PCBP3: variants seen among roughly 807,000 people sequenced by gnomAD.
The protein encoded by PCBP3 is poly(rC) binding protein 3.
PCBP3 carries 25 observed loss-of-function variants against 52.7 expected under a neutral mutation model. The observed-to-expected ratio is 0.47, with a 90% CI of 0.35 to 0.66. PCBP3 has a LOEUF of 0.66. Ranked by LOEUF, PCBP3 falls within the 30% of genes least tolerant of loss-of-function variation. The pLI is 0.01. For missense variants in PCBP3, 391 were observed against 490.3 expected (o/e 0.80, Z 1.91); for synonymous variants, 162 against 183.0 (o/e 0.89, Z 0.93).
chr21:45,872,272 C>T (rs536676015), intron 5 of PCBP3: 5 of 152,174 alleles, frequency 3.3e-5, no homozygotes, highest in Non-Finnish European at 5.9e-5. Context: ...ATCGGAGGCT[C>T]GTCTGCTTTT....
At chr21:45,782,117 AATT>A (rs1226313848) in intron 4 of PCBP3, among the ~76,000 whole-genome samples, 1 of 152,186 alleles carries the variant, frequency 6.6e-6, no homozygotes, top group East Asian at 1.9e-4. Context: ...CCATAGTCTC[AATT>A]ATTTTTTAAC....
chr21:45,913,841 C>T (rs1245120990), intron 11 of PCBP3, 110 bp from the exon 12 acceptor site: 18 of 960,088 alleles, frequency 1.9e-5, no homozygotes, highest in South Asian at 7.7e-5. Context: ...GTGTGGGGAG[C>T]GTGGAGCTGG....
chr21:45,847,831 G>A (rs774659687), intron 4 of PCBP3, among the ~76,000 whole-genome samples: 7 of 152,178 alleles, frequency 4.6e-5, no homozygotes, highest in Non-Finnish European at 8.8e-5. Flanking sequence ...TACATGATGA[G>A]CCTTTCAACT....
intron 2 of PCBP3, among the ~76,000 whole-genome samples, chr21:45,694,374 G>C (rs1405861524): frequency 6.6e-6 from 1 of 152,056 alleles, no homozygotes; most frequent in Admixed American, 6.6e-5. Flanking sequence ...AAGTAGACGA[G>C]AAAAATCTAT....
At chr21:45,887,131 G>C (rs2095542508) in intron 5 of PCBP3, among the ~76,000 whole-genome samples, 1 of 152,232 alleles carries the variant, frequency 6.6e-6, no homozygotes, top group South Asian at 2.1e-4. Flanking sequence ...AAGTCTGAGA[G>C]ACATAGAGAA....
intron 2 of PCBP3, among the ~76,000 whole-genome samples, chr21:45,696,728 T>C (rs1398083985): frequency 2.0e-5 from 3 of 151,206 alleles, no homozygotes. Context: ...GAGGCAGAGG[T>C]TGCAGTGAGC....
At chr21:45,729,366 C>T (rs2085291121) in intron 2 of PCBP3, among the ~76,000 whole-genome samples, 1 of 152,162 alleles carries the variant, frequency 6.6e-6, no homozygotes, top group Non-Finnish European at 1.5e-5. Flanking sequence ...CTGTTATGAA[C>T]AAGTATCTGC....
chr21:45,709,187 G>C (rs1432369162), intron 2 of PCBP3, among the ~76,000 whole-genome samples: 1 of 152,208 alleles, frequency 6.6e-6, no homozygotes, highest in Non-Finnish European at 1.5e-5. Flanking sequence ...TGTTATGGCA[G>C]GGTCCAAAAT....
chr21:45,776,023 C>T lies in PCBP3; in HGVS notation c.-126+20571C>T, dbSNP rs373306533. On this transcript the variant is annotated intron_variant, in intron 4 of 17. Transcript: ENST00000681687. ...GCTTTTGCTGTATCACACAGGTTTT[C>T]GTATGTTGTGTTATTTTCATTTGTT... is the stretch of plus-strand genomic sequence containing the variant. Among the ~76,000 whole-genome samples the T allele has an allele frequency of 5.1e-3, 774 of 151,932 alleles. 16 individuals are homozygous for T. Among genetic ancestry groups the T allele is most frequent in the South Asian group, 0.046 (220 of 4,794 alleles).
intron 1 of PCBP3, among the ~76,000 whole-genome samples, chr21:45,668,597 C>T (rs2080960748): frequency 6.6e-6 from 1 of 151,926 alleles, no homozygotes; most frequent in African/African-American, 2.4e-5. Context: ...GGGAATAGGG[C>T]AGGTTAAAAT....
intron 4 of PCBP3, chr21:45,760,911 AC>A: frequency 6.6e-6 from 1 of 152,006 alleles, no homozygotes; most frequent in Non-Finnish European, 1.5e-5. Context: ...ACATGGTGAA[AC>A]CCCGTCTCTA....
rs965943138 is a variant in PCBP3, at chr21:45,853,896, T to C, written c.10+3801T>C. On this transcript the variant is annotated intron_variant, in intron 5 of 17. Transcript: ENST00000681687. The surrounding 1 kb of genome is among the most constrained non-coding windows in gnomAD (Gnocchi z 4.6). Reference sequence around the variant, plus strand: ...GCCGGTGAGAATAAAAAGGAGCCGATGGTACGGGGCAGGAGCCGCTCCCAG... The same window carrying C: ...GCCGGTGAGAATAAAAAGGAGCCGACGGTACGGGGCAGGAGCCGCTCCCAG... The C allele has an allele frequency of 2.0e-5, 3 of 152,126 alleles. No homozygotes were observed. The highest frequency in any genetic ancestry group is 7.2e-5 in the African/African-American group (3 of 41,392). The allele number at this position is 152,126 out of a possible 1,614,324, so 9.4% of individuals were successfully genotyped here. A position where few individuals can be genotyped will look rare whatever the true frequency, so the allele number is the denominator to read the frequency against.
Position 45,928,991 on chromosome 21 carries a change from G to A in PCBP3, c.718-926G>A, listed in dbSNP as rs1439366972. On this transcript the variant is annotated intron_variant, in intron 13 of 17. Coordinates refer to ENST00000681687, the MANE Select transcript of PCBP3 (RefSeq NM_001384156.1). This position sits in a 1 kb window ranked among gnomAD's most constrained non-coding sequence, Gnocchi z 4.1. ...CTGGAGGCCTGTGGCTCCTGGGAAA[G>A]CCAGGCCTGAGGAGCACCATGCCCT... Among the ~76,000 whole-genome samples the A allele has an allele frequency of 6.6e-6, 1 of 152,200 alleles. No homozygotes were observed. The highest frequency in any genetic ancestry group is 1.5e-5 in the Non-Finnish European group (1 of 68,022).
intron 4 of PCBP3, among the ~76,000 whole-genome samples, chr21:45,798,194 G>C (rs796070756): frequency 1.4e-5 from 2 of 146,920 alleles, no homozygotes; most frequent in Non-Finnish European, 3.0e-5. Context: ...ATGCATGGAT[G>C]GATGAATGCA....
intron 3 of PCBP3, chr21:45,750,407 C>G (rs76691318): frequency 1.3e-4 from 17 of 131,970 alleles, no homozygotes; most frequent in East Asian, 5.7e-4. Context: ...CCCCCCCCCC[C>G]CCCCTTCTTC....
At chr21:45,672,178 C>T (rs553381400) in intron 2 of PCBP3, among the ~76,000 whole-genome samples, 4 of 152,190 alleles carry the variant, frequency 2.6e-5, no homozygotes, top group South Asian at 4.2e-4. Context: ...GCACACTCAG[C>T]CCCTTATTGT....
chr21:45,652,059 C>A (rs1293948583), intron 1 of PCBP3, among the ~76,000 whole-genome samples: 3 of 152,306 alleles, frequency 2.0e-5, no homozygotes, highest in Admixed American at 2.0e-4. Context: ...ACATTCCTAT[C>A]TTTGTAAATC....
chr21:45,668,325 G>A (rs1327803605), intron 1 of PCBP3, among the ~76,000 whole-genome samples: 2 of 152,114 alleles, frequency 1.3e-5, no homozygotes, highest in Non-Finnish European at 1.5e-5. Flanking sequence ...ACTGTCTCAG[G>A]TAGTCACAAA....
rs2147392906 is a variant in PCBP3, at chr21:45,821,381, G to A, written c.-125-28580G>A. On this transcript the variant is annotated intron_variant, in intron 4 of 17. Transcript: ENST00000681687. The surrounding 1 kb of genome is among the most constrained non-coding windows in gnomAD (Gnocchi z 4.4). ...AGTACCCCCCTGCACCACGCTGTGG[G>A]CCCCGCACCCTCCCCCAACTCTTTT... Among the ~76,000 whole-genome samples the A allele has an allele frequency of 6.6e-6, 1 of 151,714 alleles. No homozygotes were observed. The highest frequency in any genetic ancestry group is 6.6e-5 in the Admixed American group (1 of 15,250).
Sources: allele counts gnomAD v4.1 joint callset (sites outside exome capture counted in the v4.1 genomes callset), GRCh38; gene constraint gnomAD v4.1.1; non-coding constraint Gnocchi (gnomAD v3.1); transcripts MANE v1.5; gene names NCBI Gene and HGNC (gene_info 2026-07-23, HGNC 2026-07-21).